Variants in CDK7 observed in about 807,000 individuals in gnomAD.
The protein encoded by CDK7 is cyclin-dependent kinase 7.
Under a neutral mutation model 49.1 loss-of-function variants are expected in CDK7, and 25 were observed. The ratio of observed to expected loss-of-function variants is 0.51; its 90% CI spans 0.37 to 0.71. The LOEUF is 0.71. Among genes scored for constraint, CDK7 ranks in the 30% least tolerant of loss-of-function variants. The pLI is 0.00. For synonymous variants in CDK7, 107 were observed against 140.0 expected (o/e 0.76, Z 1.67); for missense variants, 316 against 411.7 (o/e 0.77, Z 2.01).
chr5:69,261,522 G>A (rs891042555), intron 7 of CDK7, among the ~76,000 whole-genome samples: 7 of 144,988 alleles, frequency 4.8e-5, no homozygotes, highest in Non-Finnish European at 9.2e-5. Context: ...GTGTGTGTGT[G>A]TGTATGTGTG....
At position 69,261,968 on chromosome 5, in the gene CDK7, G is replaced by A. The variant is rs116297720; in HGVS notation, c.528-237G>A. ...GAAGTTTAAGACTGGAAAAATACTG[G>A]TATGTTTGTACATTGTTGGGAAAAG... On this transcript the variant is annotated intron_variant, in intron 7 of 11. Transcript: ENST00000256443. 7.6e-3 allele frequency among the ~76,000 whole-genome samples: 1,161 copies of A among 152,294 alleles called. 8 individuals are homozygous for A. Among genetic ancestry groups the A allele is most frequent in the Non-Finnish European group, 0.011 (780 of 68,012 alleles).
intron 2 of CDK7, among the ~76,000 whole-genome samples, chr5:69,241,125 G>A (rs964514472): frequency 6.6e-6 from 1 of 152,068 alleles, no homozygotes; most frequent in Non-Finnish European, 1.5e-5. Context: ...TAGATCAAAT[G>A]ATAGTTCTAT....
chr5:69,260,675 T>C (rs1017294261), intron 7 of CDK7, among the ~76,000 whole-genome samples: 1 of 152,238 alleles, frequency 6.6e-6, no homozygotes, highest in Non-Finnish European at 1.5e-5. Context: ...TTGGTAATTA[T>C]ATTTTCCATT....
At chr5:69,251,034 A>G (rs941314462) in intron 2 of CDK7, among the ~76,000 whole-genome samples, 1 of 151,488 alleles carries the variant, frequency 6.6e-6, no homozygotes, top group Non-Finnish European at 1.5e-5. Context: ...GGCTCAAGCA[A>G]TCCTCCCACT....
chr5:69,277,081 T>C (rs777416496), intron 11 of CDK7, 26 bp from the exon 12 acceptor site: 4 of 1,577,176 alleles, frequency 2.5e-6, no homozygotes, highest in African/African-American at 1.4e-5. Context: ...ACAACTTTTT[T>C]TTTTCTTGTT....
intron 2 of CDK7, among the ~76,000 whole-genome samples, chr5:69,242,099 G>A (rs987780216): frequency 2.0e-5 from 3 of 152,118 alleles, no homozygotes; most frequent in African/African-American, 7.2e-5. Context: ...AGAGATATGG[G>A]TCTAGTTTCA....
chr5:69,258,681 C>G (rs1252514451), intron 6 of CDK7, among the ~76,000 whole-genome samples: 1 of 152,118 alleles, frequency 6.6e-6, no homozygotes, highest in Non-Finnish European at 1.5e-5. Flanking sequence ...TGCGCCCGGC[C>G]TCCTCATTTT....
chr5:69,271,930 T>C (rs571642244), intron 9 of CDK7, among the ~76,000 whole-genome samples: 1 of 146,926 alleles, frequency 6.8e-6, no homozygotes, highest in South Asian at 2.1e-4. Context: ...GTTCAGTTTT[T>C]GTTTTTTTTT....
chr5:69,245,317 C>G (rs1371827470), intron 2 of CDK7, among the ~76,000 whole-genome samples: 47 of 81,382 alleles, frequency 5.8e-4, no homozygotes, highest in African/African-American at 1.7e-3. Context: ...TTCCCCCTCC[C>G]CTTCCCCTCC....
In CDK7 at chr5:69,276,703, C is replaced by A. The variant is rs768902662; in HGVS notation, c.1012+13C>A. On this transcript the variant is annotated intron_variant, in intron 11 of 11. Transcript: ENST00000256443. The stretch of plus-strand genomic sequence containing the variant: ...GCCTTAGAACAAGGTAAGATTCCCA[C>A]TTTTAAAAGAAATTAAATGAATTTA... 11 of 1,604,374 alleles carry A rather than the reference C, an allele frequency of 6.9e-6. No individual in the cohort carries two copies. The highest frequency in any genetic ancestry group is 9.3e-6 in the Non-Finnish European group (11 of 1,176,478).
rs1752255981 is a variant in CDK7, at chr5:69,277,411, C to T, written c.*276C>T. On this transcript the variant is annotated 3_prime_UTR_variant, in exon 12 of 12. Transcript: ENST00000256443. ...GGGAAAACTTAATAAAAATTATTAC[C>T]AGTTATTTGGAAGATCTGACCCATA... The T allele has an allele frequency of 3.4e-6, 1 of 297,996 alleles. No individual in the cohort carries two copies. The highest frequency in any genetic ancestry group is 6.2e-6 in the Non-Finnish European group (1 of 160,920). 18.5% of individuals were successfully genotyped at this position (297,996 alleles called of 1,614,324 possible). A position where few individuals can be genotyped will look rare whatever the true frequency, so the allele number is the denominator to read the frequency against.
intron 5 of CDK7, among the ~76,000 whole-genome samples, chr5:69,257,433 G>A (rs1561361474): frequency 1.3e-5 from 2 of 152,124 alleles, no homozygotes; most frequent in South Asian, 2.1e-4. Context: ...TCAGTCTTAC[G>A]CTTTAACTAA....
At chr5:69,260,668 G>T (rs975516808) in intron 7 of CDK7, among the ~76,000 whole-genome samples, 11 of 151,966 alleles carry the variant, frequency 7.2e-5, no homozygotes, top group Non-Finnish European at 1.5e-4. Context: ...TTTCATATTG[G>T]TAATTATATT....
At chr5:69,246,741 A>C (rs1749782072) in intron 2 of CDK7, among the ~76,000 whole-genome samples, 1 of 151,204 alleles carries the variant, frequency 6.6e-6, no homozygotes, top group East Asian at 1.9e-4. Flanking sequence ...TTACAGCTAT[A>C]AACTTCCCTC....
intron 2 of CDK7, among the ~76,000 whole-genome samples, chr5:69,247,404 T>C (rs1158061017): frequency 6.6e-6 from 1 of 152,150 alleles, no homozygotes; most frequent in African/African-American, 2.4e-5. Flanking sequence ...ACTCCTGTTC[T>C]TTTTTGGTTT....
At chr5:69,267,172 T>TC (rs1461689935) in intron 8 of CDK7, among the ~76,000 whole-genome samples, 2 of 152,120 alleles carry the variant, frequency 1.3e-5, no homozygotes, top group Non-Finnish European at 2.9e-5. Flanking sequence ...TCAACCAGTT[T>TC]CAATAGTTTC....
Position 69,235,428 on chromosome 5 carries a change from C to A in CDK7, c.101C>A (p.Thr34Asn), listed in dbSNP as rs752051389. ...ATVYKARDKNTNQIVAIKKIK... is the reference protein window; with the variant it reads ...ATVYKARDKNNNQIVAIKKIK... ...GTTTACAAGGCCAGAGATAAGAACA[C>A]CAACCAAATTGTCGCCATTAAGAAA... is the stretch of plus-strand genomic sequence containing the variant. The change falls in exon 2 of 12, where the codon ACC (threonine) becomes AAC (asparagine). Residue 34 changes from threonine to asparagine, a missense_variant. Thr to Asn is a moderately conservative substitution (Grantham distance 65, BLOSUM62 0). Transcript: ENST00000256443. 5 of 1,602,836 alleles carry A rather than the reference C, an allele frequency of 3.1e-6. No homozygotes were observed. The highest frequency in any genetic ancestry group is 1.1e-5 in the South Asian group (1 of 90,734).
chr5:69,238,993 ACT>A (rs1027808327), intron 2 of CDK7, among the ~76,000 whole-genome samples: 1 of 150,232 alleles, frequency 6.7e-6, no homozygotes, highest in Non-Finnish European at 1.5e-5. Flanking sequence ...TTCTATCCAA[ACT>A]CTCGTTGATA....
intron 6 of CDK7, among the ~76,000 whole-genome samples, chr5:69,258,993 C>T (rs1750658013): frequency 6.6e-6 from 1 of 151,762 alleles, no homozygotes; most frequent in South Asian, 2.1e-4. Flanking sequence ...GGGGGATCAC[C>T]TGAGCCCAGG....
Sources: gnomAD v4.1 joint callset for allele counts (sites outside exome capture counted in the v4.1 genomes callset) on GRCh38, gnomAD v4.1.1 for gene constraint, MANE v1.5 for transcripts, NCBI Gene and HGNC (gene_info 2026-07-23, HGNC 2026-07-21) for gene names.